Variants in EIF2AK4 observed in about 807,000 individuals in gnomAD.
EIF2AK4 encodes the protein eIF-2-alpha kinase GCN2.
In EIF2AK4, 139 loss-of-function variants were observed where a neutral mutation model predicts 211.1. That is an observed-to-expected ratio of 0.66 (90% CI 0.57 to 0.76). The LOEUF (loss-of-function observed/expected upper bound fraction) is 0.76, where lower values mean the gene tolerates loss of function less well. EIF2AK4 is among the 30% of genes least tolerant of loss of function. EIF2AK4 has a pLI of 0.00. For missense variants in EIF2AK4, 1,664 were observed against 2,043.8 expected, an observed-to-expected ratio of 0.81 and a Z score of 3.58; for synonymous variants, 710 against 751.3, an observed-to-expected ratio of 0.94 and a Z score of 0.90.
intron 18 of EIF2AK4, 71 bp downstream of exon 18, chr15:39,992,919 A>T (rs11633992): frequency 6.8e-7 from 1 of 1,469,970 alleles, no homozygotes; most frequent in South Asian, 1.1e-5. Flanking sequence ...AGCATTTGGG[A>T]TTTAGTCCCG....
At chr15:39,957,526 C>A (rs530190776) in intron 6 of EIF2AK4, among the ~76,000 whole-genome samples, 3 of 152,312 alleles carry the variant, frequency 2.0e-5, no homozygotes, top group Admixed American at 6.5e-5. Flanking sequence ...TCCTGAGCCC[C>A]CCTCTACCCT....
intron 23 of EIF2AK4, among the ~76,000 whole-genome samples, chr15:40,005,070 G>C (rs973399871): frequency 6.6e-6 from 1 of 152,172 alleles, no homozygotes; most frequent in African/African-American, 2.4e-5. Flanking sequence ...GGGATGTATA[G>C]GCATAGTAGT....
At chr15:39,970,358 A>G (rs10851392) in intron 9 of EIF2AK4, among the ~76,000 whole-genome samples, 52,458 of 152,048 alleles carry the variant, frequency 0.35, 9,108 homozygotes, top group Middle Eastern at 0.36. Context: ...CAAGTCAATA[A>G]CATTTATGTC....
intron 2 of EIF2AK4, among the ~76,000 whole-genome samples, chr15:39,942,486 A>C (rs933895193): frequency 9.2e-5 from 14 of 152,358 alleles, no homozygotes; most frequent in Middle Eastern, 3.4e-3. Context: ...GAGAGAACGC[A>C]TAGATAAGTG....
At chr15:39,953,294 G>A (rs2034345398) in intron 4 of EIF2AK4, among the ~76,000 whole-genome samples, 1 of 152,178 alleles carries the variant, frequency 6.6e-6, no homozygotes, top group African/African-American at 2.4e-5. Context: ...TATTATTGCT[G>A]TTATGGTTTT....
intron 3 of EIF2AK4, among the ~76,000 whole-genome samples, chr15:39,945,225 C>T (rs540596313): frequency 6.6e-6 from 1 of 152,170 alleles, no homozygotes; most frequent in East Asian, 1.9e-4. Context: ...AGCAATCTTC[C>T]TTCCTCAGCC....
intron 6 of EIF2AK4, among the ~76,000 whole-genome samples, chr15:39,960,403 T>C (rs1333975462): frequency 6.6e-6 from 1 of 151,868 alleles, no homozygotes; most frequent in Non-Finnish European, 1.5e-5. Context: ...ACCAATTAGA[T>C]GCAGATGTAG....
chr15:39,987,921 A>T (rs2034888282), intron 14 of EIF2AK4, 62 bp from the exon 15 acceptor site: 4 of 1,563,828 alleles, frequency 2.6e-6, no homozygotes, highest in Non-Finnish European at 3.5e-6. Flanking sequence ...TGTAAATTGC[A>T]GTTATACTCC....
At position 39,973,760 on chromosome 15, in the gene EIF2AK4, G is replaced by T. The variant is rs758932290; in HGVS notation, c.1818+11G>T. 5.6e-6 allele frequency: 9 copies of T among 1,613,766 alleles called. No homozygotes were observed. The highest frequency in any genetic ancestry group is 3.3e-5 in the Admixed American group (2 of 59,984). On this transcript the variant is annotated intron_variant, in intron 11 of 38. Transcript: ENST00000263791. The stretch of plus-strand genomic sequence containing the variant: ...GGAGCTGTCATCAAGGTGTGGTACA[G>T]AGTCATTCCCAGTCCCCTTTAGAGC...
At chr15:39,984,983 T>A (rs1595409756) in intron 13 of EIF2AK4, among the ~76,000 whole-genome samples, 1 of 152,260 alleles carries the variant, frequency 6.6e-6, no homozygotes, top group African/African-American at 2.4e-5. Flanking sequence ...ATACTGGCTG[T>A]AGGTTTGTCA....
chr15:39,967,851 C>T lies in EIF2AK4; in HGVS notation c.1525C>T (p.Pro509Ser), dbSNP rs1359920886. Residue 509 changes from proline (P) to serine (S), a missense_variant, in exon 9 of 39, where the codon CCA (proline) becomes TCA (serine). Transcript: ENST00000263791. ...EYPVTIPSDL[P>S]ADFQDFLKKC... ...CCCTGTGACCATCCCTAGTGACTTA[C>T]CAGCTGACTTTCAAGATTTTCTAAA... 1.9e-6 allele frequency: 3 copies of T among 1,613,746 alleles called. No homozygotes were observed. Among genetic ancestry groups the T allele is most frequent in the Admixed American group, 1.7e-5 (1 of 59,992 alleles).
intron 31 of EIF2AK4, chr15:40,022,214 G>GTGTGTGTGTGTGTGTGT: frequency 4.3e-6 from 1 of 232,440 alleles, no homozygotes; most frequent in Non-Finnish European, 8.2e-6. Flanking sequence ...GTGTGTGTGT[G>GTGTGTGTGTGTGTGTGT]TATGTTGTGT....
intron 27 of EIF2AK4, among the ~76,000 whole-genome samples, chr15:40,013,266 C>T (rs1353063039): frequency 2.6e-5 from 4 of 152,132 alleles, no homozygotes; most frequent in Admixed American, 6.5e-5. Context: ...AGCTCTTGGG[C>T]TCAAGAGATC....
At chr15:40,015,204 C>A (rs923073986) in intron 27 of EIF2AK4, among the ~76,000 whole-genome samples, 1 of 152,222 alleles carries the variant, frequency 6.6e-6, no homozygotes, top group Non-Finnish European at 1.5e-5. Flanking sequence ...TCCAAAGTCA[C>A]TTCCACATTT....
chr15:40,022,645 T>G (rs757942011), intron 32 of EIF2AK4, 40 bp downstream of exon 32: 1 of 1,591,462 alleles, frequency 6.3e-7, no homozygotes, highest in Non-Finnish European at 8.6e-7. Flanking sequence ...AATAGTTAGG[T>G]GTTACCTGTG....
chr15:39,974,259 TCG>T (rs2034664272), intron 11 of EIF2AK4: 1 of 152,312 alleles, frequency 6.6e-6, no homozygotes, highest in Non-Finnish European at 1.5e-5. Context: ...CTTCCTTTCT[TCG>T]TTCTAGTCTA....
intron 24 of EIF2AK4, among the ~76,000 whole-genome samples, chr15:40,007,767 A>G (rs2035181057): frequency 6.6e-6 from 1 of 152,070 alleles, no homozygotes; most frequent in South Asian, 2.1e-4. Context: ...CACTAAGGTA[A>G]AATTTTTTGG....
At chr15:39,947,434 T>G (rs1251267996) in intron 3 of EIF2AK4, among the ~76,000 whole-genome samples, 2 of 152,238 alleles carry the variant, frequency 1.3e-5, no homozygotes, top group Admixed American at 1.3e-4. Flanking sequence ...CACAGCTCTT[T>G]GTCATGTAAA....
chr15:39,982,214 G>A (rs559429498), intron 13 of EIF2AK4, among the ~76,000 whole-genome samples: 4 of 152,126 alleles, frequency 2.6e-5, no homozygotes, highest in Non-Finnish European at 4.4e-5. Flanking sequence ...GTGAGCCATC[G>A]TGCCCAGCCA....
Sources: gnomAD v4.1 joint callset for allele counts (sites outside exome capture counted in the v4.1 genomes callset) on GRCh38, gnomAD v4.1.1 for gene constraint, MANE v1.5 for transcripts, NCBI Gene and HGNC (gene_info 2026-07-23, HGNC 2026-07-21) for gene names.